The following DNER variants were observed in gnomAD, a reference collection of about 807,000 sequenced individuals.
DNER encodes the protein delta and Notch-like epidermal growth factor-related receptor.
A neutral mutation model predicts 78.2 loss-of-function variants in DNER; 33 were observed. The ratio of observed to expected loss-of-function variants is 0.42; its 90% CI spans 0.32 to 0.56. DNER has a LOEUF of 0.56. Among genes scored for constraint, DNER ranks in the 20% least tolerant of loss-of-function variants. DNER has a pLI of 0.11. For missense variants in DNER, 918 were observed against 975.3 expected (o/e 0.94, Z 0.78); for synonymous variants, 417 against 384.8 (o/e 1.08, Z -0.98).
At chr2:229,417,953 T>C (rs955279305) in intron 9 of DNER, among the ~76,000 whole-genome samples, 155 bp downstream of exon 9, 5 of 152,184 alleles carry the variant, frequency 3.3e-5, no homozygotes, top group African/African-American at 1.2e-4. Context: ...GACTTGCAAA[T>C]TGGTCTCCTT....
At chr2:229,707,683 T>C (rs1699851455) in intron 1 of DNER, among the ~76,000 whole-genome samples, 1 of 152,242 alleles carries the variant, frequency 6.6e-6, no homozygotes, top group Non-Finnish European at 1.5e-5. Context: ...GAGCTCTTCC[T>C]CTCAAAGACA....
chr2:229,481,156 G>A (rs1695150263), intron 6 of DNER, among the ~76,000 whole-genome samples: 1 of 152,204 alleles, frequency 6.6e-6, no homozygotes, highest in Non-Finnish European at 1.5e-5. Context: ...GGGGCCCTTT[G>A]GCAGGACAGT....
chr2:229,598,216 G>C (rs2396695), intron 1 of DNER, among the ~76,000 whole-genome samples: 55,149 of 151,780 alleles, frequency 0.36, 10,127 homozygotes, highest in East Asian at 0.5. Flanking sequence ...GGGAGACACA[G>C]AGGTGACTAA....
In DNER at chr2:229,530,296, A is replaced by T. The variant is rs1574887609; in HGVS notation, c.993+16651T>A. Among the ~76,000 whole-genome samples, 3 of 152,186 alleles carry T rather than the reference A, an allele frequency of 2.0e-5. No individual in the cohort carries two copies. The East Asian group carries it at 5.8e-4, about 29-fold the overall frequency. ...TGTGCAAAAACAAAATGCATAAATG[A>T]CAGCACTGATGTCCTACATAATTAA... On this transcript the variant is annotated intron_variant, in intron 5 of 12. Coordinates refer to ENST00000341772, the MANE Select transcript of DNER (RefSeq NM_139072.4).
intron 6 of DNER, among the ~76,000 whole-genome samples, chr2:229,481,148 G>A (rs1453650685): frequency 6.6e-6 from 1 of 152,202 alleles, no homozygotes; most frequent in Non-Finnish European, 1.5e-5. Flanking sequence ...GAAAGGGAGG[G>A]GCCCTTTGGC....
At chr2:229,529,296 T>C (rs770932307) in intron 5 of DNER, among the ~76,000 whole-genome samples, 5 of 152,126 alleles carry the variant, frequency 3.3e-5, no homozygotes, top group Non-Finnish European at 5.9e-5. Context: ...TCAAGCTTGA[T>C]GATAAGTGAG....
intron 1 of DNER, among the ~76,000 whole-genome samples, chr2:229,616,173 G>A (rs1188640066): frequency 3.3e-5 from 5 of 152,224 alleles, no homozygotes; most frequent in Non-Finnish European, 7.3e-5. Context: ...TGCTCATGAA[G>A]TTTCTCTGGA....
chr2:229,648,391 G>A (rs1218750112), intron 1 of DNER, among the ~76,000 whole-genome samples: 2 of 152,186 alleles, frequency 1.3e-5, no homozygotes, highest in African/African-American at 4.8e-5. Context: ...TAATTGTCTT[G>A]TATTTAACTC....
chr2:229,497,432 T>C (rs1695521679), intron 6 of DNER, among the ~76,000 whole-genome samples: 1 of 149,938 alleles, frequency 6.7e-6, no homozygotes, highest in African/African-American at 2.5e-5. Flanking sequence ...AGGAAGGAAA[T>C]AATGAAGATC....
intron 1 of DNER, among the ~76,000 whole-genome samples, chr2:229,655,960 A>G (rs1698904547): frequency 6.6e-6 from 1 of 152,152 alleles, no homozygotes; most frequent in African/African-American, 2.4e-5. Flanking sequence ...AGAAACCACT[A>G]GAAACTGGAA....
chr2:229,406,375 T>C (rs912579448), intron 10 of DNER, among the ~76,000 whole-genome samples: 5 of 152,170 alleles, frequency 3.3e-5, no homozygotes, highest in Non-Finnish European at 7.4e-5. Flanking sequence ...TCTAAAAACA[T>C]AGACTTTGTC....
chr2:229,471,737 G>C (rs1163504608), intron 7 of DNER, among the ~76,000 whole-genome samples: 3 of 152,180 alleles, frequency 2.0e-5, no homozygotes, highest in African/African-American at 4.8e-5. Context: ...GCAAAGCACA[G>C]TGCTAAGGGC....
chr2:229,420,143 CATTTACATATTGTCTATG>C (rs1693735613), intron 8 of DNER, among the ~76,000 whole-genome samples: 1 of 151,972 alleles, frequency 6.6e-6, no homozygotes, highest in African/African-American at 2.4e-5. Flanking sequence ...CACAGTCATG[CATTTACATATTGTCTATG>C]GCCGTTTTAA....
chr2:229,657,663 C>T (rs1375016958), intron 1 of DNER, among the ~76,000 whole-genome samples: 1 of 152,172 alleles, frequency 6.6e-6, no homozygotes, highest in Non-Finnish European at 1.5e-5. Flanking sequence ...GAAGATGATA[C>T]GTAAGGCCTA....
chr2:229,591,485 T>G lies in DNER; in HGVS notation c.585+95A>C. The G allele has an allele frequency of 7.1e-7, 1 of 1,412,614 alleles. No individual in the cohort carries two copies. The highest frequency in any genetic ancestry group is 2.5e-5 in the East Asian group (1 of 40,618). The allele number at this position is 1,412,614 out of a possible 1,614,324, so 87.5% of individuals were successfully genotyped here. ...TTTTGCTTCGTGATTTAACTTAAAA[T>G]GCTTTCATTTTTAATTGCTGATACT... On this transcript the variant is annotated intron_variant, in intron 2 of 12. Transcript: ENST00000341772. The surrounding 1 kb of genome is among the most constrained non-coding windows in gnomAD (Gnocchi z 4.6).
rs1269318945 is a variant in DNER at position 229,401,842 on chromosome 2, A to T, written c.1723+5390T>A. Among the ~76,000 whole-genome samples the T allele has an allele frequency of 4.6e-5, 7 of 152,314 alleles. No individual in the cohort carries two copies. The East Asian group carries it at 1.3e-3, about 29-fold the overall frequency. ...TCTCAAACTAAAATTTTGAAAAACT[A>T]GCCAGAGAAAAATAGACCCATATAT... On this transcript the variant is annotated intron_variant, in intron 10 of 12. Coordinates refer to ENST00000341772, the MANE Select transcript of DNER (RefSeq NM_139072.4).
intron 1 of DNER, among the ~76,000 whole-genome samples, chr2:229,612,997 T>A (rs764373115): frequency 4.6e-5 from 7 of 152,198 alleles, no homozygotes; most frequent in Non-Finnish European, 1.0e-4. Flanking sequence ...AACAATAGCT[T>A]ATCTCTAGTT....
rs555202828 is a variant in DNER, at chr2:229,687,263, C to CTT, written c.276+26883_276+26884dup. 9.2e-3 allele frequency among the ~76,000 whole-genome samples: 1,173 copies of CTT among 127,702 alleles called. 21 individuals are homozygous for CTT. The highest frequency in any genetic ancestry group is 0.028 in the African/African-American group (976 of 34,292). 83.8% of individuals were successfully genotyped at this position (127,702 alleles called of 152,430 possible). ...CTCTGTTTATACAAATTTCCAACTT[C>CTT]TTTTTTTTTTTTTTTTTTGAGACAG... is the stretch of plus-strand genomic sequence containing the variant. On this transcript the variant is annotated intron_variant, in intron 1 of 12. Coordinates refer to ENST00000341772, the MANE Select transcript of DNER (RefSeq NM_139072.4).
intron 1 of DNER, among the ~76,000 whole-genome samples, chr2:229,684,211 T>TGTGTGTGTGTG (rs1559208473): frequency 8.1e-6 from 1 of 123,522 alleles, no homozygotes; most frequent in African/African-American, 3.3e-5. Context: ...TGTGTGTGTG[T>TGTGTGTGTGTG]TGGGGCTAAG....
Sources: allele counts gnomAD v4.1 joint callset (sites outside exome capture counted in the v4.1 genomes callset), GRCh38; gene constraint gnomAD v4.1.1; non-coding constraint Gnocchi (gnomAD v3.1); transcripts MANE v1.5; gene names NCBI Gene and HGNC (gene_info 2026-07-23, HGNC 2026-07-21).